Variants in FAM78B observed in about 807,000 individuals in gnomAD.
FAM78B encodes the protein protein FAM78B.
FAM78B carries 10 observed loss-of-function variants against 20.0 expected under a neutral mutation model. The ratio of observed to expected loss-of-function variants is 0.50; its 90% CI spans 0.31 to 0.85. The LOEUF (loss-of-function observed/expected upper bound fraction) is 0.85, where lower values mean the gene tolerates loss of function less well. Among genes scored for constraint, FAM78B ranks in the 40% least tolerant of loss-of-function variants. FAM78B has a pLI of 0.05. For synonymous variants in FAM78B, 135 were observed against 132.8 expected (o/e 1.02, Z -0.12); for missense variants, 283 against 345.0 (o/e 0.82, Z 1.42).
chr1:166,100,060 T>C, intron 1 of FAM78B, among the ~76,000 whole-genome samples: 1 of 152,110 alleles, frequency 6.6e-6, no homozygotes, highest in South Asian at 2.1e-4. Context: ...TATCAAGCAC[T>C]CTCTCAGATC....
At chr1:166,149,616 C>T (rs542153731) in intron 1 of FAM78B, among the ~76,000 whole-genome samples, 5 of 152,302 alleles carry the variant, frequency 3.3e-5, no homozygotes, top group African/African-American at 1.2e-4. Context: ...AACAATAATA[C>T]CATCTCTAAA....
At chr1:166,086,594 T>G (rs1652841905) in intron 1 of FAM78B, among the ~76,000 whole-genome samples, 1 of 152,202 alleles carries the variant, frequency 6.6e-6, no homozygotes, top group African/African-American at 2.4e-5. Flanking sequence ...CAGAGTTTAT[T>G]GTTTTCATTA....
downstream of FAM78B, among the ~76,000 whole-genome samples, chr1:166,068,032 T>C (rs1439454796): frequency 6.6e-6 from 1 of 152,232 alleles, no homozygotes; most frequent in Non-Finnish European, 1.5e-5. Context: ...CTAGGGGAAT[T>C]TGCAAACATA....
At chr1:166,121,520 C>A (rs1654465323) in intron 1 of FAM78B, among the ~76,000 whole-genome samples, 1 of 152,192 alleles carries the variant, frequency 6.6e-6, no homozygotes, top group African/African-American at 2.4e-5. Context: ...CCCTTCAGAG[C>A]TCCATACCCT....
chr1:166,097,842 G>A (rs142871032), intron 1 of FAM78B, among the ~76,000 whole-genome samples: 9 of 151,924 alleles, frequency 5.9e-5, no homozygotes, highest in Admixed American at 2.0e-4. Flanking sequence ...GGAGTTACAC[G>A]GTCCTGCCCA....
intron 1 of FAM78B, among the ~76,000 whole-genome samples, chr1:166,135,356 G>T (rs1049119039): frequency 6.6e-6 from 1 of 152,202 alleles, no homozygotes. Flanking sequence ...TGGACAAAGG[G>T]TACATTGGTA....
chr1:166,056,463 C>A (rs889232417), downstream of FAM78B, among the ~76,000 whole-genome samples: 1 of 152,128 alleles, frequency 6.6e-6, no homozygotes, highest in Admixed American at 6.5e-5. Flanking sequence ...TCCTGTCAAC[C>A]TCCATAGTTT....
At chr1:166,139,891 G>T (rs1655216076) in intron 1 of FAM78B, among the ~76,000 whole-genome samples, 1 of 152,190 alleles carries the variant, frequency 6.6e-6, no homozygotes, top group South Asian at 2.1e-4. Context: ...CTGTGAGGTT[G>T]GAGGGAAGAG....
chr1:166,077,752 T>C (rs1189221411), intron 1 of FAM78B, among the ~76,000 whole-genome samples: 1 of 139,024 alleles, frequency 7.2e-6, no homozygotes, highest in Non-Finnish European at 1.5e-5. Flanking sequence ...TACATATAAT[T>C]ACATATATTT....
At chr1:166,106,009 T>C (rs931460948) in intron 1 of FAM78B, among the ~76,000 whole-genome samples, 3 of 152,100 alleles carry the variant, frequency 2.0e-5, no homozygotes, top group Non-Finnish European at 2.9e-5. Context: ...ATATACACCA[T>C]GGAATACTAT....
intron 1 of FAM78B, among the ~76,000 whole-genome samples, chr1:166,104,470 A>C (rs1653679477): frequency 6.6e-6 from 1 of 152,238 alleles, no homozygotes; most frequent in Non-Finnish European, 1.5e-5. Context: ...ACCTCAGCCC[A>C]AAATCTCCTT....
chr1:166,144,646 C>G (rs1278630763), intron 1 of FAM78B, among the ~76,000 whole-genome samples: 2 of 152,074 alleles, frequency 1.3e-5, no homozygotes, highest in Non-Finnish European at 2.9e-5. Flanking sequence ...ACTGTACTAG[C>G]TCTTGACAGA....
intron 1 of FAM78B, among the ~76,000 whole-genome samples, chr1:166,095,491 C>T (rs1435219557): frequency 6.6e-6 from 1 of 152,110 alleles, no homozygotes; most frequent in African/African-American, 2.4e-5. Context: ...GTTCAGGTGC[C>T]TTTGGGGGCA....
intron 1 of FAM78B, among the ~76,000 whole-genome samples, chr1:166,078,402 T>C (rs1247140110): frequency 1.3e-5 from 2 of 152,236 alleles, no homozygotes; most frequent in African/African-American, 2.4e-5. Context: ...ACAGTGTTTT[T>C]GCTTTAGACA....
At chr1:166,094,662 A>G (rs1283853452) in intron 1 of FAM78B, among the ~76,000 whole-genome samples, 1 of 152,248 alleles carries the variant, frequency 6.6e-6, no homozygotes, top group Non-Finnish European at 1.5e-5. Flanking sequence ...ATGTTTCTGC[A>G]GTGAATATTC....
chr1:166,162,248 G>A (rs73046969), intron 1 of FAM78B, among the ~76,000 whole-genome samples: 1 of 152,170 alleles, frequency 6.6e-6, no homozygotes, highest in Admixed American at 6.5e-5. Context: ...AGAGGTGAGC[G>A]GGTACAGCCA....
chr1:166,082,407 C>G (rs1652618088), intron 1 of FAM78B, among the ~76,000 whole-genome samples: 1 of 152,208 alleles, frequency 6.6e-6, no homozygotes, highest in African/African-American at 2.4e-5. Context: ...GGTCTCACTA[C>G]CTTTCCCAGG....
chr1:166,137,130 T>C (rs1320220385), intron 1 of FAM78B, among the ~76,000 whole-genome samples: 1 of 152,242 alleles, frequency 6.6e-6, no homozygotes, highest in Non-Finnish European at 1.5e-5. Flanking sequence ...ACCAGTTTTC[T>C]ATGCCCAGAA....
chr1:166,092,066 G>C (rs1653098847), intron 1 of FAM78B, among the ~76,000 whole-genome samples: 1 of 150,336 alleles, frequency 6.7e-6, no homozygotes, highest in South Asian at 2.1e-4. Context: ...ACAAAAAGTG[G>C]GGGAAGCTTA....
Sources: gnomAD v4.1 joint callset for allele counts (sites outside exome capture counted in the v4.1 genomes callset) on GRCh38, gnomAD v4.1.1 for gene constraint, MANE v1.5 for transcripts, NCBI Gene and HGNC (gene_info 2026-07-23, HGNC 2026-07-21) for gene names.